The following PTPRR variants were observed in gnomAD, a reference collection of about 807,000 sequenced individuals.
The protein encoded by PTPRR is receptor-type tyrosine-protein phosphatase R.
In PTPRR, 38 loss-of-function variants were observed where a neutral mutation model predicts 77.2. The observed-to-expected ratio is 0.49, with a 90% CI of 0.38 to 0.65. The LOEUF (loss-of-function observed/expected upper bound fraction) is 0.65, where lower values mean the gene tolerates loss of function less well. PTPRR is among the 30% of genes least tolerant of loss of function. PTPRR has a pLI of 0.00. For synonymous variants in PTPRR, 299 were observed against 283.1 expected (o/e 1.06, Z -0.57); for missense variants, 744 against 799.2 (o/e 0.93, Z 0.83).
chr12:70,657,074 TA>T (rs1886612527), intron 12 of PTPRR, among the ~76,000 whole-genome samples: 1 of 151,554 alleles, frequency 6.6e-6, no homozygotes, highest in Non-Finnish European at 1.5e-5. Context: ...CTAGAAAAAA[TA>T]AAAAATAATT....
Position 70,767,534 on chromosome 12 carries a change from A to T in PTPRR, c.358-2756T>A, listed in dbSNP as rs555279943. Among the ~76,000 whole-genome samples the T allele has an allele frequency of 9.2e-5, 14 of 152,220 alleles. No homozygotes were observed. In the East Asian group the frequency reaches 2.7e-3, roughly 29 times the overall value. On this transcript the variant is annotated intron_variant, in intron 2 of 13. Transcript: ENST00000283228. ...ATAAAGCCAGTCCTGAGTGACCTAC[A>T]AAGAGACTTAGACTCCTACACAATA...
At chr12:70,870,540 T>C (rs1343762071) in intron 2 of PTPRR, among the ~76,000 whole-genome samples, 1 of 152,250 alleles carries the variant, frequency 6.6e-6, no homozygotes, top group African/African-American at 2.4e-5. Context: ...ACATCTCATT[T>C]CAATGTCCTA....
At chr12:70,739,526 A>G (rs1344665195) in intron 6 of PTPRR, among the ~76,000 whole-genome samples, 1 of 152,170 alleles carries the variant, frequency 6.6e-6, no homozygotes, top group Non-Finnish European at 1.5e-5. Flanking sequence ...ACTCCATAAT[A>G]TTTTTGAGTG....
intron 2 of PTPRR, among the ~76,000 whole-genome samples, chr12:70,803,348 C>CA (rs1891649846): frequency 6.6e-6 from 1 of 152,138 alleles, no homozygotes; most frequent in Admixed American, 6.5e-5. Context: ...AATAAAATTG[C>CA]AGGGCAATCA....
At chr12:70,854,887 A>C (rs1179794281) in intron 2 of PTPRR, among the ~76,000 whole-genome samples, 1 of 152,254 alleles carries the variant, frequency 6.6e-6, no homozygotes, top group Non-Finnish European at 1.5e-5. Context: ...GGTACATAGA[A>C]GATGCTTGAT....
intron 6 of PTPRR, among the ~76,000 whole-genome samples, chr12:70,734,375 A>G (rs1261528489): frequency 6.6e-6 from 1 of 152,138 alleles, no homozygotes; most frequent in Non-Finnish European, 1.5e-5. Flanking sequence ...TGCACACCCT[A>G]CTGAATTGCC....
chr12:70,770,075 T>G (rs887247930), intron 2 of PTPRR, among the ~76,000 whole-genome samples: 36 of 151,174 alleles, frequency 2.4e-4, no homozygotes, highest in Non-Finnish European at 1.0e-4. Flanking sequence ...AACCTAGGCA[T>G]TACCATTCAG....
chr12:70,852,994 C>T (rs982178899), intron 2 of PTPRR, among the ~76,000 whole-genome samples: 1 of 152,128 alleles, frequency 6.6e-6, no homozygotes, highest in African/African-American at 2.4e-5. Context: ...TCTTATGTTC[C>T]TTACAATAAT....
At chr12:70,654,170 G>C (rs1353519071) in intron 13 of PTPRR, among the ~76,000 whole-genome samples, 2 of 152,006 alleles carry the variant, frequency 1.3e-5, no homozygotes, top group Non-Finnish European at 2.9e-5. Flanking sequence ...TCTATTCCAA[G>C]TGTTTTACAT....
intron 13 of PTPRR, among the ~76,000 whole-genome samples, chr12:70,651,901 T>TA (rs34627900): frequency 0.37 from 54,761 of 147,370 alleles, 11,746 homozygotes; most frequent in African/African-American, 0.59. Flanking sequence ...GGTTCCTCAT[T>TA]AAAAAAAAAA....
chr12:70,772,788 A>G (rs908557527), intron 2 of PTPRR, among the ~76,000 whole-genome samples: 11 of 152,204 alleles, frequency 7.2e-5, no homozygotes, highest in African/African-American at 1.9e-4. Context: ...GGGAGGAGAA[A>G]TAAGAATGAT....
At chr12:70,830,247 T>C (rs532212359) in intron 2 of PTPRR, among the ~76,000 whole-genome samples, 1 of 152,326 alleles carries the variant, frequency 6.6e-6, no homozygotes, top group African/African-American at 2.4e-5. Context: ...TAGATTATGC[T>C]GCATTAAGAA....
At chr12:70,722,932 C>T (rs1269999043) in intron 6 of PTPRR, among the ~76,000 whole-genome samples, 2 of 152,174 alleles carry the variant, frequency 1.3e-5, no homozygotes, top group Non-Finnish European at 2.9e-5. Context: ...ACCCAAGTCC[C>T]TGAAAAAGAT....
chr12:70,781,304 A>G (rs2136997922), intron 2 of PTPRR, among the ~76,000 whole-genome samples: 1 of 152,348 alleles, frequency 6.6e-6, no homozygotes, highest in Admixed American at 6.5e-5. Flanking sequence ...GAGAAACATC[A>G]TGGTAAATGG....
At chr12:70,887,051 CCTT>C (rs1156809094) in intron 2 of PTPRR, among the ~76,000 whole-genome samples, 5 of 152,206 alleles carry the variant, frequency 3.3e-5, no homozygotes, top group Non-Finnish European at 5.9e-5. Flanking sequence ...ACAGTGCCCT[CCTT>C]CTTTCAGTGA....
At chr12:70,686,263 AAGT>A (rs1887866286) in intron 8 of PTPRR, among the ~76,000 whole-genome samples, 1 of 152,214 alleles carries the variant, frequency 6.6e-6, no homozygotes, top group Non-Finnish European at 1.5e-5. Context: ...GTGAGGTAGG[AAGT>A]ACTAGACGAA....
intron 6 of PTPRR, among the ~76,000 whole-genome samples, chr12:70,703,547 T>G (rs1368197084): frequency 3.9e-5 from 6 of 152,168 alleles, no homozygotes; most frequent in African/African-American, 1.4e-4. Flanking sequence ...TAATCTATTT[T>G]TAGTGGGAAA....
At chr12:70,843,177 G>A (rs553200520) in intron 2 of PTPRR, among the ~76,000 whole-genome samples, 1 of 152,136 alleles carries the variant, frequency 6.6e-6, no homozygotes, top group African/African-American at 2.4e-5. Flanking sequence ...CTGAAAAAAG[G>A]ATGTGTTGAT....
At chr12:70,897,610 A>T (rs1206253850) in intron 1 of PTPRR, among the ~76,000 whole-genome samples, 1 of 152,010 alleles carries the variant, frequency 6.6e-6, no homozygotes, top group Non-Finnish European at 1.5e-5. Flanking sequence ...TTCCTCAGGG[A>T]TCTAGAACTA....
Sources: allele counts gnomAD v4.1 joint callset (sites outside exome capture counted in the v4.1 genomes callset), GRCh38; gene constraint gnomAD v4.1.1; transcripts MANE v1.5; gene names NCBI Gene and HGNC (gene_info 2026-07-23, HGNC 2026-07-21).